JAK1: variants seen among roughly 807,000 people sequenced by gnomAD.
JAK1 encodes tyrosine-protein kinase JAK1.
In JAK1, 16 loss-of-function variants were observed where a neutral mutation model predicts 136.6. The observed-to-expected ratio is 0.12, with a 90% CI of 0.08 to 0.18. The LOEUF (loss-of-function observed/expected upper bound fraction) is 0.18, where lower values mean the gene tolerates loss of function less well. JAK1 is among the 10% of genes least tolerant of loss of function. The pLI, the probability that JAK1 is intolerant of heterozygous loss-of-function variation, is 1.00. For synonymous variants in JAK1, 492 were observed against 519.5 expected, an observed-to-expected ratio of 0.95 and a Z score of 0.72; for missense variants, 859 against 1,450.1, an observed-to-expected ratio of 0.59 and a Z score of 6.62.
At chr1:64,967,941 A>G (rs142866242), upstream of JAK1, among the ~76,000 whole-genome samples, 1,407 of 152,294 alleles carry the variant, frequency 9.2e-3, 24 homozygotes, top group African/African-American at 0.032. Flanking sequence ...GGCTGTTTGC[A>G]TCATTTTCTT....
At chr1:64,913,690 A>AGGAAGGAAGGAAGGAAGGAAGGAG (rs1238423565) in intron 1 of JAK1, among the ~76,000 whole-genome samples, 4 of 32,344 alleles carry the variant, frequency 1.2e-4, no homozygotes, top group Non-Finnish European at 3.4e-4. Context: ...GAAGGAAGGA[A>AGGAAGGAAGGAAGGAAGGAAGGAG]GGAAGGAAGG....
chr1:65,065,666 G>A (rs1648007921), intron 1 of JAK1, among the ~76,000 whole-genome samples: 1 of 150,812 alleles, frequency 6.6e-6, no homozygotes, highest in African/African-American at 2.4e-5. Context: ...TGGGCTGGGT[G>A]TGTCTTCTGC....
chr1:65,013,392 TC>T (rs1289115388), intron 2 of JAK1, among the ~76,000 whole-genome samples: 1 of 145,664 alleles, frequency 6.9e-6, no homozygotes, highest in Non-Finnish European at 1.5e-5. Context: ...CAAGACTCTG[TC>T]TAAAAAAAAA....
chr1:64,969,396 C>T (rs1378892031), upstream of JAK1, among the ~76,000 whole-genome samples: 2 of 147,486 alleles, frequency 1.4e-5, no homozygotes, highest in Non-Finnish European at 3.0e-5. Context: ...TCTTGTTCCC[C>T]CATCACACCC....
intron 1 of JAK1, among the ~76,000 whole-genome samples, chr1:65,063,189 G>A (rs907555297): frequency 6.6e-6 from 1 of 152,214 alleles, no homozygotes; most frequent in African/African-American, 2.4e-5. Flanking sequence ...AAAATAAATG[G>A]AAGTGAGTGA....
chr1:64,893,654 T>C (rs1203381749), intron 1 of JAK1, among the ~76,000 whole-genome samples: 1 of 152,174 alleles, frequency 6.6e-6, no homozygotes, highest in African/African-American at 2.4e-5. Flanking sequence ...CATTAGGAAA[T>C]CAGTTTTCTG....
chr1:64,942,952 A>G (rs1205038032), intron 1 of JAK1, among the ~76,000 whole-genome samples: 1 of 152,204 alleles, frequency 6.6e-6, no homozygotes. Context: ...TTTGCTGTCT[A>G]TATTTAATCA....
chr1:64,943,965 G>C lies in JAK1; in HGVS notation c.-78+22368C>G, dbSNP rs183395597. Among the ~76,000 whole-genome samples the C allele has an allele frequency of 2.9e-3, 436 of 151,980 alleles. 2 individuals are homozygous for C. Among genetic ancestry groups the C allele is most frequent in the South Asian group, 4.6e-3 (22 of 4,804 alleles). On this transcript the variant is annotated intron_variant, in intron 1 of 24. Coordinates refer to ENST00000342505, the MANE Select transcript of JAK1 (RefSeq NM_002227.4). The stretch of plus-strand genomic sequence containing the variant: ...AGGCCAGGCGCAGTGGCTCACGCCT[G>C]TAATCCCAGCACTTTGGGAGGCCGA...
At chr1:64,920,932 A>C (rs571005389) in intron 1 of JAK1, among the ~76,000 whole-genome samples, 2 of 152,290 alleles carry the variant, frequency 1.3e-5, no homozygotes, top group South Asian at 4.1e-4. Flanking sequence ...TAAGAGACAC[A>C]GTTTCCAATT....
intron 5 of JAK1, among the ~76,000 whole-genome samples, chr1:64,871,071 T>C (rs762334404): frequency 6.6e-6 from 1 of 152,212 alleles, no homozygotes; most frequent in Non-Finnish European, 1.5e-5. Flanking sequence ...ATCTCAGCTA[T>C]GGATACACAA....
chr1:64,916,528 A>G (rs1347101898), intron 1 of JAK1, among the ~76,000 whole-genome samples: 1 of 152,162 alleles, frequency 6.6e-6, no homozygotes, highest in African/African-American at 2.4e-5. Context: ...CAAAAGCTAA[A>G]AAGGTTGGAA....
chr1:64,845,776 G>A, intron 14 of JAK1, 136 bp from the exon 15 acceptor site: 3 of 1,055,386 alleles, frequency 2.8e-6, no homozygotes, highest in South Asian at 1.4e-5. Flanking sequence ...GTGCAATGGT[G>A]CAGGGGCTTC....
At chr1:65,060,614 G>GA (rs1018406350) in intron 1 of JAK1, among the ~76,000 whole-genome samples, 226 of 149,876 alleles carry the variant, frequency 1.5e-3, no homozygotes, top group Middle Eastern at 6.9e-3. Flanking sequence ...ACCTAAATTA[G>GA]AAAAAAAAAG....
At position 64,883,416 on chromosome 1, in the gene JAK1, G is replaced by C; in HGVS notation, c.66C>G (p.Ser22=). 1 of 1,614,128 alleles carries C rather than the reference G, an allele frequency of 6.2e-7. No individual in the cohort carries two copies. Among genetic ancestry groups the C allele is most frequent in the Non-Finnish European group, 8.5e-7 (1 of 1,179,996 alleles). Residue 22 remains serine (S), a synonymous_variant, in exon 3 of 25, where the codon TCC becomes TCG. Coordinates refer to ENST00000342505, the MANE Select transcript of JAK1 (RefSeq NM_002227.4). ...AMAFCAKMRS[S]KKTEVNLEAP... The stretch of plus-strand genomic sequence containing the variant: ...CCTCCAGGTTCACCTCAGTCTTCTT[G>C]GAGCTCCTCATTTTAGCACAGAAAG...
In JAK1 at chr1:64,839,757, G is replaced by A. The variant is rs372457303; in HGVS notation, c.2688C>T (p.Pro896=). 1.5e-4 allele frequency: 236 copies of A among 1,613,718 alleles called. No individual in the cohort carries two copies. Among genetic ancestry groups the A allele is most frequent in the African/African-American group, 3.5e-4 (26 of 75,030 alleles). The part of the protein sequence containing the change: ...FGKVELCRYD[P]EGDNTGEQVA... ...CCTGCTCCCCTGTATTGTCCCCTTC[G>A]GGGTCATACCTGCAGAGCTCAACCT... The change falls in exon 20 of 25, where the codon CCC becomes CCT. Residue 896 remains proline, a synonymous_variant. Coordinates refer to ENST00000342505, the MANE Select transcript of JAK1 (RefSeq NM_002227.4).
intron 1 of JAK1, among the ~76,000 whole-genome samples, chr1:65,045,127 T>C (rs1324503064): frequency 6.6e-6 from 1 of 152,232 alleles, no homozygotes; most frequent in East Asian, 1.9e-4. Flanking sequence ...GCAGTGCCTG[T>C]CACACTCACC....
At chr1:65,027,291 G>T (rs1646986575) in intron 2 of JAK1, among the ~76,000 whole-genome samples, 1 of 151,804 alleles carries the variant, frequency 6.6e-6, no homozygotes, top group African/African-American at 2.4e-5. Flanking sequence ...GACCTCAAGT[G>T]ATCCGCCCAT....
chr1:64,942,199 T>C (rs1199918169), intron 1 of JAK1: 1 of 152,170 alleles, frequency 6.6e-6, no homozygotes, highest in Non-Finnish European at 1.5e-5. Context: ...GGATCTGAAT[T>C]GCCAGGGAGA....
At chr1:64,943,747 G>A (rs1645930815) in intron 1 of JAK1, among the ~76,000 whole-genome samples, 1 of 151,576 alleles carries the variant, frequency 6.6e-6, no homozygotes, top group Admixed American at 6.6e-5. Context: ...ATAACAAAAG[G>A]TTCTTAATAT....
Sources: allele counts gnomAD v4.1 joint callset (sites outside exome capture counted in the v4.1 genomes callset), GRCh38; gene constraint gnomAD v4.1.1; transcripts MANE v1.5; gene names NCBI Gene and HGNC (gene_info 2026-07-23, HGNC 2026-07-21).